The following RNFT2 variants were observed in gnomAD, a reference collection of about 807,000 sequenced individuals.
The protein encoded by RNFT2 is ring finger protein, transmembrane 2.
A neutral mutation model predicts 53.0 loss-of-function variants in RNFT2; 36 were observed. The ratio of observed to expected loss-of-function variants is 0.68; its 90% CI spans 0.52 to 0.90. The LOEUF (loss-of-function observed/expected upper bound fraction) is 0.90. Ranked by LOEUF, RNFT2 falls within the 40% of genes least tolerant of loss-of-function variation. RNFT2 has a pLI of 0.00. For synonymous variants in RNFT2, 260 were observed against 253.2 expected (o/e 1.03, Z -0.26); for missense variants, 514 against 585.6 (o/e 0.88, Z 1.26).
At chr12:116,778,431 G>A (rs1178226934) in intron 6 of RNFT2, among the ~76,000 whole-genome samples, 2 of 152,186 alleles carry the variant, frequency 1.3e-5, no homozygotes, top group Non-Finnish European at 2.9e-5. Context: ...AGACGCCCCT[G>A]GGGTTTTGTC....
At chr12:116,742,513 C>T (rs967038779) in intron 3 of RNFT2, among the ~76,000 whole-genome samples, 14 of 152,050 alleles carry the variant, frequency 9.2e-5, no homozygotes, top group East Asian at 3.9e-4. Flanking sequence ...GCGATCTGTC[C>T]GACTTGGCCG....
Position 116,800,863 on chromosome 12 carries a change from A to AAAATAAAATAT in RNFT2, c.882+21515_882+21516insAAATAAAATAT, listed in dbSNP as rs34964792. Among the ~76,000 whole-genome samples, 8 of 42,584 alleles carry AAAATAAAATAT rather than the reference A, an allele frequency of 1.9e-4. 1 individual carries two copies. Among genetic ancestry groups the AAAATAAAATAT allele is most frequent in the African/African-American group, 4.0e-4 (8 of 19,866 alleles). 27.9% of individuals were successfully genotyped at this position (42,584 alleles called of 152,430 possible). On this transcript the variant is annotated intron_variant, in intron 7 of 10. Coordinates refer to ENST00000257575, the MANE Select transcript of RNFT2 (RefSeq NM_001382266.1). ...TAAAATAAAATAAAATAAAATAAAA[A>AAAATAAAATAT]CCATTTAACAGATAAAACAGAGGCT... is the stretch of plus-strand genomic sequence containing the variant.
chr12:116,828,950 C>A (rs936491124), intron 7 of RNFT2, among the ~76,000 whole-genome samples: 2 of 151,494 alleles, frequency 1.3e-5, no homozygotes, highest in African/African-American at 2.4e-5. Flanking sequence ...GAGATGGAGA[C>A]CAGCCTGGGC....
intron 4 of RNFT2, among the ~76,000 whole-genome samples, chr12:116,750,886 TATATAATATATATA>T (rs1566069520): frequency 0.076 from 351 of 4,592 alleles, 21 homozygotes; most frequent in East Asian, 0.43. Context: ...ATATATTATA[TATATAATATATATA>T]TATATATATT....
intron 7 of RNFT2, among the ~76,000 whole-genome samples, chr12:116,800,669 G>A (rs770732670): frequency 6.6e-6 from 1 of 150,556 alleles, no homozygotes; most frequent in East Asian, 2.0e-4. Context: ...CAAAAAATTA[G>A]CTGGCACTGT....
chr12:116,779,489 C>G, intron 7 of RNFT2, 141 bp downstream of exon 7: 1 of 865,636 alleles, frequency 1.2e-6, no homozygotes. Flanking sequence ...GCTCATAGCT[C>G]CTGTCACCCA....
chr12:116,827,925 T>C (rs1319190140), intron 7 of RNFT2, among the ~76,000 whole-genome samples: 1 of 152,196 alleles, frequency 6.6e-6, no homozygotes, highest in Admixed American at 6.5e-5. Flanking sequence ...CTTTGGTTCC[T>C]GGGGCTGTGC....
At chr12:116,779,095 C>G (rs1207462337) in intron 6 of RNFT2, 100 bp from the exon 7 acceptor site, 14 of 1,285,884 alleles carry the variant, frequency 1.1e-5, no homozygotes, top group Middle Eastern at 2.0e-4. Flanking sequence ...GTTCAGCGCT[C>G]TTTCTACAGG....
intron 5 of RNFT2, among the ~76,000 whole-genome samples, chr12:116,764,565 T>C (rs1160725603): frequency 3.3e-5 from 5 of 152,202 alleles, no homozygotes. Flanking sequence ...TAGTCTCATC[T>C]TCTTTATGCA....
chr12:116,744,507 G>A (rs1397194955), intron 3 of RNFT2, among the ~76,000 whole-genome samples: 1 of 152,160 alleles, frequency 6.6e-6, no homozygotes, highest in Non-Finnish European at 1.5e-5. Flanking sequence ...AGAGGGGAAG[G>A]AAATTACCTA....
At chr12:116,763,919 A>G (rs529986056) in intron 5 of RNFT2, among the ~76,000 whole-genome samples, 64 of 152,200 alleles carry the variant, frequency 4.2e-4, no homozygotes, top group Non-Finnish European at 6.5e-4. Context: ...TTATAGCAGC[A>G]CAATTCACAA....
chr12:116,829,560 T>C (rs1876527845), intron 7 of RNFT2, among the ~76,000 whole-genome samples: 1 of 152,150 alleles, frequency 6.6e-6, no homozygotes, highest in Non-Finnish European at 1.5e-5. Context: ...GTGTACGTGC[T>C]CCAAGGAATC....
rs1394775056 is a variant in RNFT2, at chr12:116,755,699, C to G, written c.627+1639C>G. On this transcript the variant is annotated intron_variant, in intron 5 of 10. Transcript: ENST00000257575. The stretch of plus-strand genomic sequence containing the variant: ...AACATTGTAGACTCTTCCAGTTTTG[C>G]CATGGTAACACTTACGGGGCATTCC... 4 of 1,502,788 alleles carry G rather than the reference C, an allele frequency of 2.7e-6. No individual in the cohort carries two copies. The East Asian group carries it at 9.0e-5, about 34-fold the overall frequency. 93.1% of individuals were successfully genotyped at this position (1,502,788 alleles called of 1,614,324 possible).
intron 7 of RNFT2, among the ~76,000 whole-genome samples, chr12:116,808,838 G>A (rs1232602997): frequency 1.3e-5 from 2 of 152,014 alleles, no homozygotes; most frequent in Non-Finnish European, 2.9e-5. Context: ...CCCGTCCTGT[G>A]CTCCCCCTGG....
chr12:116,838,096 T>C (rs1877072345), intron 10 of RNFT2, among the ~76,000 whole-genome samples: 1 of 152,186 alleles, frequency 6.6e-6, no homozygotes, highest in Non-Finnish European at 1.5e-5. Context: ...TAAAACTCTA[T>C]CTTAGAGATT....
At chr12:116,750,882 TATATATATA>T (rs1566069510) in intron 4 of RNFT2, among the ~76,000 whole-genome samples, 1 of 1,158 alleles carries the variant, frequency 8.6e-4, no homozygotes, top group South Asian at 0.05. Context: ...ATATATATAT[TATATATATA>T]ATATATATAT....
Position 116,823,691 on chromosome 12 carries a change from A to G in RNFT2, c.883-10101A>G, listed in dbSNP as rs184087817. On this transcript the variant is annotated intron_variant, in intron 7 of 10. Coordinates refer to ENST00000257575, the MANE Select transcript of RNFT2 (RefSeq NM_001382266.1). The stretch of plus-strand genomic sequence containing the variant: ...CAGCAAGACTCTGTCTAAAAAAAAT[A>G]ATAATAATAATTCTTCTGCTTTCCT... 7.9e-5 allele frequency among the ~76,000 whole-genome samples: 12 copies of G among 152,306 alleles called. No individual in the cohort carries two copies. The East Asian group carries it at 2.3e-3, about 29-fold the overall frequency.
intron 7 of RNFT2, among the ~76,000 whole-genome samples, chr12:116,816,199 C>T (rs1334629412): frequency 2.6e-5 from 4 of 152,320 alleles, no homozygotes; most frequent in African/African-American, 9.6e-5. Flanking sequence ...CTCCTGGGTA[C>T]TGGGGAGCAG....
chr12:116,775,619 G>C (rs368272123), intron 6 of RNFT2, among the ~76,000 whole-genome samples: 11 of 152,336 alleles, frequency 7.2e-5, no homozygotes, highest in East Asian at 5.8e-4. Context: ...TTGGAACCAA[G>C]TCCACATTCT....
Sources: gnomAD v4.1 joint callset for allele counts (sites outside exome capture counted in the v4.1 genomes callset) on GRCh38, gnomAD v4.1.1 for gene constraint, MANE v1.5 for transcripts, NCBI Gene and HGNC (gene_info 2026-07-23, HGNC 2026-07-21) for gene names.